The following EPHA6 variants were observed in gnomAD, a reference collection of about 807,000 sequenced individuals.
The protein encoded by EPHA6 is EPH receptor A6, also known as ephrin type-A receptor 6.
EPHA6 carries 50 observed loss-of-function variants against 112.0 expected under a neutral mutation model. The observed-to-expected ratio is 0.45, with a 90% CI of 0.36 to 0.56. The LOEUF (loss-of-function observed/expected upper bound fraction) is 0.56, where lower values mean the gene tolerates loss of function less well. Ranked by LOEUF, EPHA6 falls within the 20% of genes least tolerant of loss-of-function variation. EPHA6 has a pLI of 0.00. For missense variants in EPHA6, 1,280 were observed against 1,417.4 expected, an observed-to-expected ratio of 0.90 and a Z score of 1.56; for synonymous variants, 529 against 490.7, an observed-to-expected ratio of 1.08 and a Z score of -1.03.
chr3:97,135,783 T>C (rs2108339017), intron 3 of EPHA6, among the ~76,000 whole-genome samples: 1 of 148,486 alleles, frequency 6.7e-6, no homozygotes, highest in Admixed American at 6.8e-5. Flanking sequence ...GATTTGGCTA[T>C]GTAAGTAAGT....
At chr3:97,247,517 A>C (rs571550501) in intron 5 of EPHA6, among the ~76,000 whole-genome samples, 5 of 152,054 alleles carry the variant, frequency 3.3e-5, no homozygotes, top group African/African-American at 9.6e-5. Flanking sequence ...ATTTAAATTA[A>C]GTTCTGTTCT....
intron 3 of EPHA6, among the ~76,000 whole-genome samples, chr3:97,097,014 C>A (rs2047260537): frequency 6.6e-6 from 1 of 151,112 alleles, no homozygotes. Context: ...AATTCAAATT[C>A]CAAAACAAAA....
chr3:97,754,736 C>T lies in EPHA6; in HGVS notation c.*6035C>T, dbSNP rs941975680. On this transcript the variant is annotated 3_prime_UTR_variant, in exon 18 of 18. Coordinates refer to ENST00000389672, the MANE Select transcript of EPHA6 (RefSeq NM_001080448.3). Reference sequence around the variant, plus strand: ...CATTTATTTTTGAGACGGAGTCTCGCTCTGTCGCCTAGGCTGGAGTGCAGT... The same window carrying T: ...CATTTATTTTTGAGACGGAGTCTCGTTCTGTCGCCTAGGCTGGAGTGCAGT... Among the ~76,000 whole-genome samples, 5 of 152,132 alleles carry T rather than the reference C, an allele frequency of 3.3e-5. No homozygotes were observed. Among genetic ancestry groups the T allele is most frequent in the Non-Finnish European group, 7.4e-5 (5 of 67,990 alleles).
At chr3:96,942,002 T>C (rs997772519) in intron 2 of EPHA6, among the ~76,000 whole-genome samples, 3 of 152,192 alleles carry the variant, frequency 2.0e-5, no homozygotes, top group African/African-American at 7.2e-5. Flanking sequence ...TATGCAGTCG[T>C]GTGAGGTGTC....
chr3:97,206,786 T>A (rs975506150), intron 3 of EPHA6, among the ~76,000 whole-genome samples: 2 of 152,134 alleles, frequency 1.3e-5, no homozygotes, highest in African/African-American at 4.8e-5. Flanking sequence ...AAATCCTGAA[T>A]GAATAGTAAC....
At chr3:97,444,095 G>T (rs2090237399) in intron 6 of EPHA6, among the ~76,000 whole-genome samples, 1 of 152,058 alleles carries the variant, frequency 6.6e-6, no homozygotes, top group African/African-American at 2.4e-5. Context: ...TTAGATTTTA[G>T]ATGTGTATGA....
chr3:97,383,075 A>T (rs146621849), intron 5 of EPHA6, among the ~76,000 whole-genome samples: 1 of 152,182 alleles, frequency 6.6e-6, no homozygotes, highest in African/African-American at 2.4e-5. Context: ...GCATTTAATC[A>T]GTAATTTACT....
chr3:97,382,895 C>G (rs1259105178), intron 5 of EPHA6, among the ~76,000 whole-genome samples: 1 of 151,958 alleles, frequency 6.6e-6, no homozygotes, highest in Non-Finnish European at 1.5e-5. Flanking sequence ...AATGTATCTA[C>G]AGAAAATAAT....
intron 14 of EPHA6, among the ~76,000 whole-genome samples, chr3:97,703,928 A>C (rs981232917): frequency 8.5e-5 from 13 of 152,190 alleles, no homozygotes; most frequent in African/African-American, 3.1e-4. Context: ...ACATATATAT[A>C]TATGTGAGAA....
At chr3:97,074,191 T>A (rs1346525016) in intron 3 of EPHA6, among the ~76,000 whole-genome samples, 2 of 152,040 alleles carry the variant, frequency 1.3e-5, no homozygotes, top group Non-Finnish European at 2.9e-5. Context: ...AATTGTTTCA[T>A]TTTTTAGTCT....
rs79226764 is a variant in EPHA6 at position 97,255,736 on chromosome 3, G to A, written c.1606+11449G>A. ...TTATGTCAAATTTTAACAGCATATAGTGAAGATAAAGTTGTAGCAGTTTAT... is the reference window on the plus strand; with the variant it reads ...TTATGTCAAATTTTAACAGCATATAATGAAGATAAAGTTGTAGCAGTTTAT... On this transcript the variant is annotated intron_variant, in intron 5 of 17. Coordinates refer to ENST00000389672, the MANE Select transcript of EPHA6 (RefSeq NM_001080448.3). 4.2e-3 allele frequency among the ~76,000 whole-genome samples: 636 copies of A among 152,198 alleles called. 2 individuals carry two copies. The highest frequency in any genetic ancestry group is 0.017 in the Middle Eastern group (5 of 294).
intron 3 of EPHA6, among the ~76,000 whole-genome samples, chr3:97,036,403 A>G (rs986643420): frequency 6.6e-5 from 10 of 152,012 alleles, no homozygotes; most frequent in Admixed American, 6.6e-5. Flanking sequence ...TAGTATCCCC[A>G]TTATTAATGT....
At chr3:97,715,375 T>C (rs2034168663) in intron 14 of EPHA6, among the ~76,000 whole-genome samples, 2 of 152,246 alleles carry the variant, frequency 1.3e-5, no homozygotes, top group African/African-American at 4.8e-5. Context: ...TTACAATTTG[T>C]ATTTCAGAAA....
chr3:97,184,159 C>T (rs1206971968), intron 3 of EPHA6, among the ~76,000 whole-genome samples: 1 of 151,982 alleles, frequency 6.6e-6, no homozygotes, highest in Non-Finnish European at 1.5e-5. Context: ...GAGAATTATT[C>T]TTATGAGAGG....
chr3:97,363,327 G>C (rs1251494114), intron 5 of EPHA6, among the ~76,000 whole-genome samples: 2 of 148,200 alleles, frequency 1.3e-5, no homozygotes, highest in African/African-American at 4.9e-5. Flanking sequence ...TCCTAACTAA[G>C]TTTTAAGCAC....
At chr3:97,517,679 T>C (rs2092468838) in intron 10 of EPHA6, among the ~76,000 whole-genome samples, 2 of 152,088 alleles carry the variant, frequency 1.3e-5, no homozygotes, top group African/African-American at 2.4e-5. Flanking sequence ...GGCAATAAGA[T>C]CATTAAAGCT....
chr3:97,737,077 T>C (rs1326431017), intron 16 of EPHA6, among the ~76,000 whole-genome samples: 1 of 152,012 alleles, frequency 6.6e-6, no homozygotes. Flanking sequence ...AATCACTAAT[T>C]GGCAGCCTCA....
intron 7 of EPHA6, among the ~76,000 whole-genome samples, chr3:97,471,458 A>G (rs1445335038): frequency 1.3e-5 from 2 of 151,700 alleles, no homozygotes; most frequent in African/African-American, 2.4e-5. Flanking sequence ...AGCATAAACT[A>G]GTTGCTCAAT....
chr3:96,855,791 A>G (rs1447866302), intron 1 of EPHA6, among the ~76,000 whole-genome samples: 2 of 152,174 alleles, frequency 1.3e-5, no homozygotes, highest in South Asian at 2.1e-4. Flanking sequence ...CAACTGAAGT[A>G]GAATAAAAAT....
Sources: gnomAD v4.1 joint callset for allele counts (sites outside exome capture counted in the v4.1 genomes callset) on GRCh38, gnomAD v4.1.1 for gene constraint, MANE v1.5 for transcripts, NCBI Gene and HGNC (gene_info 2026-07-23, HGNC 2026-07-21) for gene names.